STAT5B: variants seen among roughly 807,000 people sequenced by gnomAD.
The protein encoded by STAT5B is transcription factor STAT5B.
STAT5B carries 21 observed loss-of-function variants against 107.8 expected under a neutral mutation model. That is an observed-to-expected ratio of 0.19 (90% CI 0.14 to 0.28). The LOEUF (loss-of-function observed/expected upper bound fraction) is 0.28. STAT5B is among the 10% of genes least tolerant of loss of function. The pLI is 1.00. For synonymous variants in STAT5B, 325 were observed against 401.7 expected (o/e 0.81, Z 2.28); for missense variants, 565 against 1,008.2 (o/e 0.56, Z 5.95).
chr17:42,222,959 C>G (rs545402085), intron 5 of STAT5B, among the ~76,000 whole-genome samples: 1 of 152,164 alleles, frequency 6.6e-6, no homozygotes, highest in Non-Finnish European at 1.5e-5. Flanking sequence ...GCTGGGATTA[C>G]AGGTGTGAGC....
intron 1 of STAT5B, among the ~76,000 whole-genome samples, chr17:42,270,007 C>T (rs533604078): frequency 2.6e-5 from 4 of 152,030 alleles, no homozygotes; most frequent in African/African-American, 9.6e-5. Flanking sequence ...GTCAGGAGTT[C>T]GAGACCAGCC....
At position 42,199,737 on chromosome 17, in the gene STAT5B, T is replaced by C. The variant is rs1045682392; in HGVS notation, c.*2001A>G. 3.3e-5 allele frequency: 5 copies of C among 152,552 alleles called. No homozygotes were observed. The highest frequency in any genetic ancestry group is 3.3e-4 in the Admixed American group (5 of 15,280). 9.4% of individuals were successfully genotyped at this position (152,552 alleles called of 1,614,324 possible). A position where few individuals can be genotyped will look rare whatever the true frequency, so the allele number is the denominator to read the frequency against. ...TCAGCTCTCTTCCTCCCCAACCCAG[T>C]GCCAACTGCAAAGTGAGCCAGGACG... On this transcript the variant is annotated 3_prime_UTR_variant, in exon 19 of 19. Coordinates refer to ENST00000293328, the MANE Select transcript of STAT5B (RefSeq NM_012448.4).
In STAT5B at chr17:42,200,794, A is replaced by G; in HGVS notation, c.*944T>C. The G allele has an allele frequency of 5.9e-6, 2 of 340,000 alleles. No individual in the cohort carries two copies. The highest frequency in any genetic ancestry group is 1.1e-5 in the Non-Finnish European group (2 of 189,150). 21.1% of individuals were successfully genotyped at this position (340,000 alleles called of 1,614,324 possible). On this transcript the variant is annotated 3_prime_UTR_variant, in exon 19 of 19. Transcript: ENST00000293328. ...CAAAAAGCATCATCAATAAGCCTGA[A>G]GAAGGCCACGGACTGTGCATCCGCT...
chr17:42,211,148 C>T (rs1346970105), intron 13 of STAT5B, among the ~76,000 whole-genome samples: 1 of 151,794 alleles, frequency 6.6e-6, no homozygotes, highest in Non-Finnish European at 1.5e-5. Context: ...TTGCAGTGAG[C>T]CCAGAATGTA....
chr17:42,202,708 G>A, intron 17 of STAT5B, 49 bp downstream of exon 17: 2 of 1,612,640 alleles, frequency 1.2e-6, no homozygotes, highest in Non-Finnish European at 1.7e-6. Flanking sequence ...CAGGGTCTGG[G>A]GGAGGAGGAA....
At chr17:42,208,667 C>A (rs2080104745) in intron 15 of STAT5B, among the ~76,000 whole-genome samples, 1 of 151,784 alleles carries the variant, frequency 6.6e-6, no homozygotes, top group South Asian at 2.1e-4. Flanking sequence ...ATTTCCCATA[C>A]AAAGATATAT....
intron 1 of STAT5B, among the ~76,000 whole-genome samples, chr17:42,250,581 T>C (rs954610170): frequency 2.0e-5 from 3 of 152,166 alleles, no homozygotes; most frequent in Non-Finnish European, 2.9e-5. Context: ...TCAAGGAGTT[T>C]TGTCCACCTT....
chr17:42,270,067 G>A (rs887198371), intron 1 of STAT5B, among the ~76,000 whole-genome samples: 1 of 152,036 alleles, frequency 6.6e-6, no homozygotes, highest in African/African-American at 2.4e-5. Context: ...AAAATTAGCT[G>A]GGCATGGTGG....
intron 9 of STAT5B, 185 bp from the exon 10 acceptor site, chr17:42,217,649 A>G: frequency 1.5e-6 from 1 of 670,064 alleles, no homozygotes. Context: ...AAAATGAAAC[A>G]AGATCAAACT....
At chr17:42,202,310 CCT>C in intron 18 of STAT5B, 28 bp downstream of exon 18, 2 of 1,613,634 alleles carry the variant, frequency 1.2e-6, no homozygotes, top group Non-Finnish European at 1.7e-6. Context: ...CAGTTCCTCC[CCT>C]GTGGACCCCC....
At chr17:42,211,961 C>T (rs756489521) in intron 13 of STAT5B, 23 bp downstream of exon 13, 25 of 1,593,214 alleles carry the variant, frequency 1.6e-5, no homozygotes, top group South Asian at 3.4e-5. Flanking sequence ...GATCTAACAG[C>T]GGCTGGCAGC....
chr17:42,209,268 T>C (rs948118799), intron 15 of STAT5B, among the ~76,000 whole-genome samples: 5 of 150,096 alleles, frequency 3.3e-5, no homozygotes, highest in African/African-American at 1.2e-4. Flanking sequence ...TTGCCCAAGC[T>C]GGGCTTGAAC....
chr17:42,262,163 CTT>C (rs1016996949), intron 1 of STAT5B, among the ~76,000 whole-genome samples: 8 of 151,574 alleles, frequency 5.3e-5, no homozygotes, highest in African/African-American at 1.9e-4. Context: ...TGTTAAAATT[CTT>C]TTATTTTTAT....
chr17:42,228,946 A>G (rs2080296199), intron 2 of STAT5B, among the ~76,000 whole-genome samples: 1 of 152,200 alleles, frequency 6.6e-6, no homozygotes, highest in South Asian at 2.1e-4. Flanking sequence ...AAAACATAAC[A>G]AAACAAAACA....
At chr17:42,204,925 G>A (rs1041957202) in intron 16 of STAT5B, among the ~76,000 whole-genome samples, 1 of 151,872 alleles carries the variant, frequency 6.6e-6, no homozygotes. Flanking sequence ...CAAATTATAA[G>A]TATCTTAAAT....
Position 42,211,440 on chromosome 17 carries a change from C to T in STAT5B, c.1680+544G>A, listed in dbSNP as rs1022316130. Among the ~76,000 whole-genome samples, 5 of 151,638 alleles carry T rather than the reference C, an allele frequency of 3.3e-5. No individual in the cohort carries two copies. The East Asian group carries it at 7.7e-4, about 23-fold the overall frequency. On this transcript the variant is annotated intron_variant, in intron 13 of 18. Coordinates refer to ENST00000293328, the MANE Select transcript of STAT5B (RefSeq NM_012448.4). ...AGAATCGCTTGAAACCAGGAGGCGG[C>T]GGTTGCGGTGAGCCAAGATCGTGCC...
At chr17:42,280,152 C>T (rs1160753344), upstream of STAT5B, among the ~76,000 whole-genome samples, 1 of 152,116 alleles carries the variant, frequency 6.6e-6, no homozygotes, top group East Asian at 1.9e-4. Context: ...AAAGACCCCA[C>T]AGTCCAACCC....
At chr17:42,233,656 A>T (rs1307585319) in intron 1 of STAT5B, among the ~76,000 whole-genome samples, 1 of 151,764 alleles carries the variant, frequency 6.6e-6, no homozygotes, top group Non-Finnish European at 1.5e-5. Context: ...ACGCCCGGAT[A>T]ATTTTTTGTA....
intron 1 of STAT5B, among the ~76,000 whole-genome samples, chr17:42,255,883 T>C (rs1045048382): frequency 6.6e-6 from 1 of 151,774 alleles, no homozygotes; most frequent in Non-Finnish European, 1.5e-5. Flanking sequence ...AGGTCAGGAG[T>C]TCCAGACCAC....
Sources: allele counts gnomAD v4.1 joint callset (sites outside exome capture counted in the v4.1 genomes callset), GRCh38; gene constraint gnomAD v4.1.1; transcripts MANE v1.5; gene names NCBI Gene and HGNC (gene_info 2026-07-23, HGNC 2026-07-21).